SPEF2: variants seen among roughly 807,000 people sequenced by gnomAD.
SPEF2 encodes the protein sperm flagellar and cilia associated 2.
Under a neutral mutation model 224.6 loss-of-function variants are expected in SPEF2, and 187 were observed. The observed-to-expected ratio is 0.83, with a 90% confidence interval of 0.74 to 0.94. SPEF2 has a LOEUF of 0.94. Among genes scored for constraint, SPEF2 ranks in the 40% least tolerant of loss-of-function variants. The pLI is 0.00. For missense variants in SPEF2, 2,170 were observed against 2,135.6 expected (o/e 1.02, Z -0.32); for synonymous variants, 715 against 707.3 (o/e 1.01, Z -0.17).
intron 23 of SPEF2, among the ~76,000 whole-genome samples, chr5:35,745,828 T>A (rs1484366399): frequency 6.6e-6 from 1 of 152,170 alleles, no homozygotes; most frequent in Non-Finnish European, 1.5e-5. Flanking sequence ...CAGCTGATGC[T>A]CTCTGGAAAG....
chr5:35,672,419 C>A (rs926159715), intron 10 of SPEF2, among the ~76,000 whole-genome samples: 15 of 147,160 alleles, frequency 1.0e-4, no homozygotes, highest in African/African-American at 3.5e-4. Flanking sequence ...AACTCCTGAA[C>A]AAATTTAATA....
intron 34 of SPEF2, among the ~76,000 whole-genome samples, chr5:35,800,952 G>A (rs990921923): frequency 1.3e-5 from 2 of 152,182 alleles, no homozygotes; most frequent in Non-Finnish European, 2.9e-5. Flanking sequence ...ATGAATGGGA[G>A]GTTCCTGTAA....
rs1007494628 is a variant in SPEF2 at position 35,774,262 on chromosome 5, A to G, written c.4078+241A>G. ...CAGTCTTAACTGATGACACGATCTC[A>G]AAAAGAACCAAAAAGAATTTGGTAA... On this transcript the variant is annotated intron_variant, in intron 28 of 36. Transcript: ENST00000356031. Among the ~76,000 whole-genome samples, 7 of 152,320 alleles carry G rather than the reference A, an allele frequency of 4.6e-5. No individual in the cohort carries two copies. The East Asian group carries it at 7.7e-4, about 17-fold the overall frequency.
intron 25 of SPEF2, among the ~76,000 whole-genome samples, chr5:35,760,485 G>T (rs778340817): frequency 1.3e-5 from 2 of 152,060 alleles, no homozygotes; most frequent in Non-Finnish European, 2.9e-5. Context: ...GTCTTTTACT[G>T]ATAAAGACAT....
intron 26 of SPEF2, among the ~76,000 whole-genome samples, chr5:35,768,516 T>G (rs1299522157): frequency 1.3e-5 from 2 of 152,202 alleles, no homozygotes; most frequent in Non-Finnish European, 2.9e-5. Flanking sequence ...TTAGGCTATA[T>G]CTATAATATT....
chr5:35,768,044 G>T (rs1561333143), intron 26 of SPEF2, among the ~76,000 whole-genome samples: 1 of 151,734 alleles, frequency 6.6e-6, no homozygotes, highest in Non-Finnish European at 1.5e-5. Context: ...TGTTGTTATT[G>T]TTGTTGTTGT....
At chr5:35,656,924 C>T (rs1216452372) in intron 7 of SPEF2, among the ~76,000 whole-genome samples, 2 of 152,194 alleles carry the variant, frequency 1.3e-5, no homozygotes, top group Non-Finnish European at 2.9e-5. Flanking sequence ...CTACCACCTC[C>T]TTCCTATGGA....
chr5:35,757,066 T>TTTTTAATAACTATTAAAAATATTG (rs1750555072), intron 24 of SPEF2, among the ~76,000 whole-genome samples: 1 of 151,974 alleles, frequency 6.6e-6, no homozygotes, highest in Non-Finnish European at 1.5e-5. Context: ...AAAAATATTG[T>TTTTTAATAACTATTAAAAATATTG]TTTTAATAAC....
At chr5:35,691,945 G>A (rs1218747226) in intron 11 of SPEF2, among the ~76,000 whole-genome samples, 1 of 151,742 alleles carries the variant, frequency 6.6e-6, no homozygotes, top group Non-Finnish European at 1.5e-5. Flanking sequence ...GACTACAGGT[G>A]CGCACCACTA....
chr5:35,798,242 G>C (rs1756949252), intron 33 of SPEF2, among the ~76,000 whole-genome samples: 1 of 152,100 alleles, frequency 6.6e-6, no homozygotes, highest in African/African-American at 2.4e-5. Context: ...TTTACTCAGA[G>C]GAAAGGCCCA....
chr5:35,716,611 G>A (rs943756217), intron 20 of SPEF2, among the ~76,000 whole-genome samples: 1 of 151,830 alleles, frequency 6.6e-6, no homozygotes, highest in Non-Finnish European at 1.5e-5. Context: ...AATATTTTTT[G>A]CTTTTATTTT....
At chr5:35,686,749 A>G (rs1455725262) in intron 10 of SPEF2, among the ~76,000 whole-genome samples, 1 of 151,988 alleles carries the variant, frequency 6.6e-6, no homozygotes, top group Non-Finnish European at 1.5e-5. Context: ...CTCATTGGCC[A>G]TTTTGTTCTA....
At chr5:35,677,265 C>A (rs1394745105) in intron 10 of SPEF2, among the ~76,000 whole-genome samples, 1 of 152,086 alleles carries the variant, frequency 6.6e-6, no homozygotes, top group East Asian at 1.9e-4. Context: ...TGGAAACATT[C>A]CTTTAAATAG....
chr5:35,749,805 T>G (rs962364897), intron 23 of SPEF2, among the ~76,000 whole-genome samples: 1 of 151,898 alleles, frequency 6.6e-6, no homozygotes, highest in East Asian at 1.9e-4. Flanking sequence ...TTCAATGCAA[T>G]CCCCATCAAA....
At chr5:35,776,454 A>C in intron 29 of SPEF2, 59 bp downstream of exon 29, 1 of 1,526,372 alleles carries the variant, frequency 6.6e-7, no homozygotes, top group Non-Finnish European at 8.8e-7. Context: ...ACCAAAATTG[A>C]TGAAGATTTT....
chr5:35,658,575 A>G (rs1369631814), intron 7 of SPEF2, among the ~76,000 whole-genome samples: 1 of 151,442 alleles, frequency 6.6e-6, no homozygotes. Context: ...GTTTAGAGTT[A>G]TAGCACTTAT....
chr5:35,619,889 A>C (rs1743258604), intron 1 of SPEF2, among the ~76,000 whole-genome samples: 1 of 127,174 alleles, frequency 7.9e-6, no homozygotes, highest in South Asian at 2.4e-4. Context: ...AAAAGGGCTG[A>C]AGACTAAGTA....
intron 25 of SPEF2, among the ~76,000 whole-genome samples, chr5:35,761,666 A>G (rs945191482): frequency 7.2e-5 from 11 of 152,012 alleles, no homozygotes; most frequent in Admixed American, 5.9e-4. Flanking sequence ...CTGCTGAAAG[A>G]GATCTTTGAG....
At chr5:35,791,699 T>G (rs966206000) in intron 30 of SPEF2, 1 of 152,174 alleles carries the variant, frequency 6.6e-6, no homozygotes, top group Admixed American at 6.5e-5. Flanking sequence ...TAGACATCTC[T>G]TTTAAATTGA....
Sources: allele counts gnomAD v4.1 joint callset (sites outside exome capture counted in the v4.1 genomes callset), GRCh38; gene constraint gnomAD v4.1.1; transcripts MANE v1.5; gene names NCBI Gene and HGNC (gene_info 2026-07-23, HGNC 2026-07-21).